CYLC1: variants seen among roughly 807,000 people sequenced by gnomAD.
CYLC1 encodes the protein cylicin-1.
A neutral mutation model predicts 31.6 loss-of-function variants in CYLC1; 2 were observed. The ratio of observed to expected loss-of-function variants is 0.06; its 90% confidence interval spans 0.03 to 0.20. The LOEUF (loss-of-function observed/expected upper bound fraction) is 0.20, where lower values mean the gene tolerates loss of function less well. CYLC1 is among the 10% of genes least tolerant of loss of function. CYLC1 has a pLI of 1.00. For missense variants in CYLC1, 595 were observed against 424.1 expected (o/e 1.40, Z -3.54); for synonymous variants, 185 against 153.0 (o/e 1.21, Z -1.54).
chrX:83,869,579 T>C (rs1042711741), intron 1 of CYLC1, among the ~76,000 whole-genome samples: 8 of 111,068 alleles, frequency 7.2e-5, no homozygotes, highest in African/African-American at 2.6e-4. Context: ...TAGTACTCCA[T>C]AGTGGATATG....
chrX:83,877,593 T>A (rs992780453), intron 4 of CYLC1, among the ~76,000 whole-genome samples: 13 of 108,752 alleles, frequency 1.2e-4, no homozygotes, highest in Non-Finnish European at 2.3e-4. Context: ...TGCTGTTTCC[T>A]CTGATTGGAA....
Position 83,869,992 on chromosome X carries a change from A to G in CYLC1, c.58+87A>G, listed in dbSNP as rs1021928078. ...TGACAAGTATATTCCATTAAATGTG[A>G]TAAAGCAGAAACTGCTATGAATTTT... On this transcript the variant is annotated intron_variant, in intron 2 of 4. Coordinates refer to ENST00000329312, the MANE Select transcript of CYLC1 (RefSeq NM_021118.3). The G allele has an allele frequency of 3.2e-5, 16 of 502,017 alleles. No homozygotes were observed. The African/African-American group carries it at 3.5e-4, about 11-fold the overall frequency. The allele number at this position is 502,017 out of a possible 1,213,427, so 41.4% of individuals were successfully genotyped here.
At chrX:83,867,088 C>T (rs1452278208) in intron 1 of CYLC1, among the ~76,000 whole-genome samples, 3 of 111,156 alleles carry the variant, frequency 2.7e-5, no homozygotes, top group Non-Finnish European at 3.8e-5. Context: ...TATCTTTCAC[C>T]CAGTCTTCAA....
At chrX:83,868,275 C>G (rs945440628) in intron 1 of CYLC1, among the ~76,000 whole-genome samples, 5 of 111,063 alleles carry the variant, frequency 4.5e-5, no homozygotes, top group African/African-American at 1.6e-4. Context: ...CATAACCATG[C>G]TATTTCTCTA....
At chrX:83,861,275 T>A in intron 1 of CYLC1, 76 bp downstream of exon 1, 1 of 720,388 alleles carries the variant, frequency 1.4e-6, no homozygotes, top group Non-Finnish European at 2.1e-6. Flanking sequence ...TGTATATGTT[T>A]AACTGTAAAG....
At chrX:83,870,621 AAC>A (rs1377811432) in intron 2 of CYLC1, among the ~76,000 whole-genome samples, 1 of 111,944 alleles carries the variant, frequency 8.9e-6, no homozygotes, top group Non-Finnish European at 1.9e-5. Context: ...AAATGCTTAG[AAC>A]ACAGTCTGGC....
Position 83,873,384 on chromosome X carries a change from A to G in CYLC1, c.676A>G (p.Arg226Gly). Reference protein sequence around the residue: ...TKNNPKKDLKRSKTSNDPISE... With the variant: ...TKNNPKKDLKGSKTSNDPISE... ...GAACAATCCAAAGAAAGATTTGAAG[A>G]GGTCAAAGACTAGTAATGATCCCAT... Residue 226 changes from arginine (R) to glycine (G), a missense_variant, in exon 4 of 5, where the codon AGG (arginine) becomes GGG (glycine). Physicochemically the swap from Arg to Gly is moderately radical, Grantham distance 125 (BLOSUM62 -2). Transcript: ENST00000329312. 8 of 1,203,731 alleles carry G rather than the reference A, an allele frequency of 6.6e-6. 1 individual carries two copies. In the South Asian group the frequency reaches 1.4e-4, roughly 21 times the overall value.
chrX:83,872,474 C>T (rs934905245), intron 3 of CYLC1, among the ~76,000 whole-genome samples: 1 of 110,132 alleles, frequency 9.1e-6, no homozygotes, highest in Non-Finnish European at 1.9e-5. Flanking sequence ...TAACAAACTT[C>T]AAGTGGATCA....
chrX:83,882,445 A>G (rs1052837544), intron 4 of CYLC1, among the ~76,000 whole-genome samples: 1 of 110,102 alleles, frequency 9.1e-6, no homozygotes, highest in South Asian at 3.9e-4. Context: ...TGCTCTTTTA[A>G]TAGTTCCCTG....
intron 4 of CYLC1, among the ~76,000 whole-genome samples, chrX:83,881,713 A>G (rs2031908581): frequency 2.1e-5 from 2 of 93,117 alleles, no homozygotes; most frequent in Admixed American, 1.4e-4. Context: ...TATTTTTGAA[A>G]CTGTCATTAC....
chrX:83,874,008 A>G lies in CYLC1; in HGVS notation c.1300A>G (p.Lys434Glu). 8.4e-7 allele frequency: 1 copy of G among 1,189,299 alleles called. No individual in the cohort carries two copies. The highest frequency in any genetic ancestry group is 1.1e-6 in the Non-Finnish European group (1 of 884,404). The change falls in exon 4 of 5, where the codon AAA becomes GAA. Residue 434 changes from lysine to glutamate, a missense_variant. By Grantham distance (56) the Lys-to-Glu change is moderately conservative. Coordinates refer to ENST00000329312, the MANE Select transcript of CYLC1 (RefSeq NM_021118.3). ...KDKKDSKTDN[K>E]KSVKNDEEST... ...TAAAAAAGATTCAAAGACAGATAAT[A>G]AAAAGTCTGTCAAGAATGATGAAGA...
rs61531587 is a variant in CYLC1 at position 83,872,718 on chromosome X, T to TACACACACAC, written c.178-140_178-131dup. Reference sequence around the variant, plus strand: ...TATATGTCTCTTTCTGTCTCTCTCTTACACACACACACACACACACACACA... The same window carrying TACACACACAC: ...TATATGTCTCTTTCTGTCTCTCTCTTACACACACACACACACACACACACACACACACACA... On this transcript the variant is annotated intron_variant, in intron 3 of 4. Transcript: ENST00000329312. 9.6e-3 allele frequency among the ~76,000 whole-genome samples: 881 copies of TACACACACAC among 92,020 alleles called. 12 individuals carry two copies. Among genetic ancestry groups the TACACACACAC allele is most frequent in the African/African-American group, 0.035 (851 of 24,426 alleles). 79.9% of individuals were successfully genotyped at this position (92,020 alleles called of 115,157 possible). A position where few individuals can be genotyped will look rare whatever the true frequency, so the allele number is the denominator to read the frequency against.
At chrX:83,879,972 G>A (rs2031886383) in intron 4 of CYLC1, among the ~76,000 whole-genome samples, 1 of 111,932 alleles carries the variant, frequency 8.9e-6, no homozygotes, top group Non-Finnish European at 1.9e-5. Flanking sequence ...TCTCCTAAAT[G>A]CTAGTTTGTT....
At chrX:83,866,824 C>G (rs1445923061) in intron 1 of CYLC1, among the ~76,000 whole-genome samples, 1 of 111,372 alleles carries the variant, frequency 9.0e-6, no homozygotes, top group Non-Finnish European at 1.9e-5. Flanking sequence ...AATTTATCAT[C>G]TTTTAAAATC....
chrX:83,875,611 C>A (rs1457618148), intron 4 of CYLC1, among the ~76,000 whole-genome samples: 1 of 111,427 alleles, frequency 9.0e-6, no homozygotes, highest in South Asian at 3.8e-4. Flanking sequence ...ATCACAAGAA[C>A]TGTGTAGGAA....
At chrX:83,881,723 C>A (rs1297913810) in intron 4 of CYLC1, among the ~76,000 whole-genome samples, 2 of 73,141 alleles carry the variant, frequency 2.7e-5, no homozygotes, top group Non-Finnish European at 5.3e-5. Flanking sequence ...ACTGTCATTA[C>A]CTGATTTTTT....
intron 4 of CYLC1, among the ~76,000 whole-genome samples, chrX:83,882,584 A>G (rs949449261): frequency 4.5e-5 from 5 of 110,468 alleles, no homozygotes; most frequent in African/African-American, 1.6e-4. Context: ...CTTTCTTGCT[A>G]CTACTTTTCT....
In CYLC1 at chrX:83,871,491, T is replaced by G. The variant is rs746296402; in HGVS notation, c.98T>G (p.Phe33Cys). 1 of 1,204,482 alleles carries G rather than the reference T, an allele frequency of 8.3e-7. No individual in the cohort carries two copies. The highest frequency in any genetic ancestry group is 1.8e-5 in the South Asian group (1 of 55,903). Residue 33 changes from phenylalanine (F) to cysteine (C), a missense_variant, in exon 3 of 5, where the codon TTT (phenylalanine) becomes TGT (cysteine). Transcript: ENST00000329312. ...SSRKSWNQKHFALTFPKPLQR... is the reference protein window; with the variant it reads ...SSRKSWNQKHCALTFPKPLQR... ...AGAAAATCATGGAATCAAAAACACTTTGCTTTGACATTTCCCAAACCACTC... is the reference window on the plus strand; with the variant it reads ...AGAAAATCATGGAATCAAAAACACTGTGCTTTGACATTTCCCAAACCACTC...
chrX:83,862,021 C>T (rs1239909377), intron 1 of CYLC1, among the ~76,000 whole-genome samples: 3 of 111,215 alleles, frequency 2.7e-5, no homozygotes, highest in Non-Finnish European at 5.7e-5. Flanking sequence ...AGGAAAAAAT[C>T]TTAATTGCCA....
Sources: allele counts gnomAD v4.1 joint callset (sites outside exome capture counted in the v4.1 genomes callset), GRCh38; gene constraint gnomAD v4.1.1; transcripts MANE v1.5; gene names NCBI Gene and HGNC (gene_info 2026-07-23, HGNC 2026-07-21).